NAA11: variants seen among roughly 807,000 people sequenced by gnomAD.
NAA11 encodes N-alpha-acetyltransferase 11.
In NAA11, 15 loss-of-function variants were observed where a neutral mutation model predicts 16.1. That is an observed-to-expected ratio of 0.93 (90% CI 0.62 to 1.44). The LOEUF (loss-of-function observed/expected upper bound fraction) is 1.44, where lower values mean the gene tolerates loss of function less well. Among genes scored for constraint, NAA11 ranks in the 40% most tolerant of loss-of-function variants. The pLI is 0.00. For synonymous variants in NAA11, 122 were observed against 112.4 expected (o/e 1.09, Z -0.54); for missense variants, 298 against 291.3 (o/e 1.02, Z -0.17).
intron 2 of NAA11, among the ~76,000 whole-genome samples, chr4:79,293,355 A>C (rs951028444): frequency 1.3e-5 from 2 of 152,216 alleles, no homozygotes; most frequent in African/African-American, 4.8e-5. Context: ...TGTGAAGCAA[A>C]AAGTTACAGT....
At chr4:79,298,590 A>C (rs1029007816) in intron 1 of NAA11, among the ~76,000 whole-genome samples, 2 of 152,064 alleles carry the variant, frequency 1.3e-5, no homozygotes, top group Non-Finnish European at 2.9e-5. Context: ...TGGAGTTCCC[A>C]CCCCACTGCA....
At chr4:79,246,606 G>A (rs1477683908) in intron 2 of NAA11, among the ~76,000 whole-genome samples, 10 of 152,062 alleles carry the variant, frequency 6.6e-5, no homozygotes, top group Non-Finnish European at 1.3e-4. Context: ...AACACACTTC[G>A]AAAATGCGAT....
chr4:79,201,569 A>T, the NAA11 span, among the ~76,000 whole-genome samples: 4 of 151,566 alleles, frequency 2.6e-5, no homozygotes, highest in East Asian at 3.9e-4. Flanking sequence ...TAATGGTAAA[A>T]ACCCTTTGCC....
intron 2 of NAA11, among the ~76,000 whole-genome samples, chr4:79,250,404 G>A (rs141409164): frequency 4.6e-5 from 7 of 152,330 alleles, no homozygotes; most frequent in Non-Finnish European, 7.3e-5. Flanking sequence ...ACTGGAGACC[G>A]CCTGAGATGA....
the NAA11 span, among the ~76,000 whole-genome samples, chr4:79,200,569 T>C: frequency 6.6e-6 from 1 of 151,548 alleles, no homozygotes; most frequent in African/African-American, 2.4e-5. Context: ...TGGGTAGGAG[T>C]TACTTAGAAG....
chr4:79,197,659 C>T, the NAA11 span: 1 of 152,004 alleles, frequency 6.6e-6, no homozygotes, highest in Non-Finnish European at 1.5e-5. Flanking sequence ...GTAAAGCAAA[C>T]TTATTGCTCT....
chr4:79,309,718 T>TC (rs1269905095), intron 1 of NAA11, among the ~76,000 whole-genome samples: 26 of 135,684 alleles, frequency 1.9e-4, no homozygotes, highest in South Asian at 1.3e-3. Context: ...TTTTTTCTTT[T>TC]TTTTTTTTTT....
At chr4:79,223,070 T>G (rs1369228426), downstream of NAA11, among the ~76,000 whole-genome samples, 123 of 148,264 alleles carry the variant, frequency 8.3e-4, no homozygotes, top group Middle Eastern at 0.014. Flanking sequence ...GTTCAACCAT[T>G]GTGGAAGTCA....
At chr4:79,268,450 C>A (rs970436898) in intron 2 of NAA11, among the ~76,000 whole-genome samples, 6 of 152,132 alleles carry the variant, frequency 3.9e-5, no homozygotes, top group Non-Finnish European at 5.9e-5. Flanking sequence ...TGCTTCATCA[C>A]CCTGCCCAAA....
intron 2 of NAA11, among the ~76,000 whole-genome samples, chr4:79,236,548 T>A (rs989864964): frequency 1.3e-5 from 2 of 152,132 alleles, no homozygotes; most frequent in African/African-American, 4.8e-5. Flanking sequence ...AAATTATACC[T>A]CAATTGGAAT....
chr4:79,201,090 T>C, the NAA11 span, among the ~76,000 whole-genome samples: 2 of 151,894 alleles, frequency 1.3e-5, no homozygotes, highest in South Asian at 4.1e-4. Flanking sequence ...CGTTTCATGC[T>C]ATTCTTAGAA....
chr4:79,184,819 C>A, the NAA11 span, among the ~76,000 whole-genome samples: 1 of 152,126 alleles, frequency 6.6e-6, no homozygotes, highest in Non-Finnish European at 1.5e-5. Context: ...AATTTACTCT[C>A]TATATAGCAC....
At chr4:79,191,987 A>C in the NAA11 span, among the ~76,000 whole-genome samples, 1 of 151,950 alleles carries the variant, frequency 6.6e-6, no homozygotes, top group Non-Finnish European at 1.5e-5. Context: ...AGATTAGATG[A>C]TTGTAGATGT....
chr4:79,307,107 C>A (rs1378664273), intron 1 of NAA11: 2 of 152,296 alleles, frequency 1.3e-5, no homozygotes, highest in East Asian at 3.9e-4. Flanking sequence ...GAATGTGCTC[C>A]CAACTGGGAT....
chr4:79,183,992 A>C, the NAA11 span, among the ~76,000 whole-genome samples: 146 of 152,274 alleles, frequency 9.6e-4, no homozygotes, highest in Middle Eastern at 0.017. Flanking sequence ...AAGAAACCAA[A>C]ATGCTAGCTT....
Position 79,325,938 on chromosome 4 carries a change from C to G in NAA11, c.-61G>C. 6.9e-7 allele frequency: 1 copy of G among 1,455,000 alleles called. No homozygotes were observed. The highest frequency in any genetic ancestry group is 9.3e-7 in the Non-Finnish European group (1 of 1,069,786). 90.1% of individuals were successfully genotyped at this position (1,455,000 alleles called of 1,614,324 possible). ...GAACCCAGAAGAGGCTGTCGCCGAC[C>G]TTAAGGGGCACTGTTTGCCTCAGGA... On this transcript the variant is annotated 5_prime_UTR_variant, in exon 1 of 2. Transcript: ENST00000286794.
At chr4:79,280,424 A>G (rs1232255032) in intron 2 of NAA11, among the ~76,000 whole-genome samples, 1 of 152,076 alleles carries the variant, frequency 6.6e-6, no homozygotes, top group Non-Finnish European at 1.5e-5. Flanking sequence ...AAAGTTGTTT[A>G]TACTCACTTT....
rs569312127 is a variant in NAA11 at position 79,280,314 on chromosome 4, C to T, written c.*122+13691G>A. On this transcript the variant is annotated intron_variant and NMD_transcript_variant, in intron 2 of 2. Coordinates refer to the NAA11 transcript ENST00000511542. ...TTGGTAAGACCAGGAATCACTGTGC[C>T]CTCCCGTAACTAAAGAGTGGGCATG... 6.4e-4 allele frequency among the ~76,000 whole-genome samples: 97 copies of T among 152,098 alleles called. 1 individual carries two copies. The highest frequency in any genetic ancestry group is 1.1e-3 in the Non-Finnish European group (78 of 67,958).
chr4:79,159,024 T>C, the NAA11 span, among the ~76,000 whole-genome samples: 1 of 152,130 alleles, frequency 6.6e-6, no homozygotes, highest in Non-Finnish European at 1.5e-5. Flanking sequence ...GACATTGGCT[T>C]AGGCAAAGAC....
Sources: gnomAD v4.1 joint callset for allele counts (sites outside exome capture counted in the v4.1 genomes callset) on GRCh38, gnomAD v4.1.1 for gene constraint, MANE v1.5 for transcripts, NCBI Gene and HGNC (gene_info 2026-07-23, HGNC 2026-07-21) for gene names.